Variants in DPP6 observed in about 807,000 individuals in gnomAD.
The protein encoded by DPP6 is dipeptidyl peptidase like 6.
Under a neutral mutation model 122.6 loss-of-function variants are expected in DPP6, and 69 were observed. The ratio of observed to expected loss-of-function variants is 0.56; its 90% CI spans 0.46 to 0.69. The LOEUF (loss-of-function observed/expected upper bound fraction) is 0.69. DPP6 is among the 30% of genes least tolerant of loss of function. DPP6 has a pLI of 0.00. For missense variants in DPP6, 928 were observed against 1,116.9 expected, an observed-to-expected ratio of 0.83 and a Z score of 2.41; for synonymous variants, 418 against 433.1, an observed-to-expected ratio of 0.97 and a Z score of 0.43.
chr7:154,661,684 A>G lies in DPP6; in HGVS notation c.681-7676A>G, dbSNP rs373976081. On this transcript the variant is annotated intron_variant, in intron 6 of 25. Coordinates refer to ENST00000377770, the MANE Select transcript of DPP6 (RefSeq NM_130797.4). ...ATCACCATGGCATATTGGCGCTAGT[A>G]TTCATATAGTCATGGTGAATCACCA... Among the ~76,000 whole-genome samples the G allele has an allele frequency of 6.9e-3, 573 of 82,744 alleles. 3 individuals carry two copies. Among genetic ancestry groups the G allele is most frequent in the Middle Eastern group, 0.043 (4 of 94 alleles). The allele number at this position is 82,744 out of a possible 152,430, so 54.3% of individuals were successfully genotyped here. A position where few individuals can be genotyped will look rare whatever the true frequency, so the allele number is the denominator to read the frequency against.
intron 1 of DPP6, among the ~76,000 whole-genome samples, chr7:153,944,856 C>G (rs1382440807): frequency 6.6e-6 from 1 of 151,966 alleles, no homozygotes; most frequent in Non-Finnish European, 1.5e-5. Flanking sequence ...GTCTCAAACT[C>G]CTGACCTCAG....
chr7:154,516,406 G>A (rs1013076421), intron 3 of DPP6, among the ~76,000 whole-genome samples: 3 of 152,204 alleles, frequency 2.0e-5, no homozygotes, highest in African/African-American at 4.8e-5. Flanking sequence ...ACTGAAAGGA[G>A]AATGAGAGCT....
At position 154,030,503 on chromosome 7, in the gene DPP6, G is replaced by A. The variant is rs1479068584; in HGVS notation, c.51+142769G>A. Among the ~76,000 whole-genome samples the A allele has an allele frequency of 3.3e-5, 5 of 152,252 alleles. No individual in the cohort carries two copies. The East Asian group carries it at 9.7e-4, about 29-fold the overall frequency. On this transcript the variant is annotated intron_variant, in intron 1 of 25. Coordinates refer to the DPP6 transcript ENST00000404039. ...CCATCTGGAGCATGGGCCTGGGTGA[G>A]GCCTCGTGAGCTCCTGCATCATAAC...
At chr7:154,413,595 G>T (rs1816794349) in intron 1 of DPP6, among the ~76,000 whole-genome samples, 1 of 152,034 alleles carries the variant, frequency 6.6e-6, no homozygotes, top group Admixed American at 6.5e-5. Flanking sequence ...ATTTCGTATT[G>T]AACACACAAA....
chr7:153,930,766 T>G (rs1801135315), intron 1 of DPP6, among the ~76,000 whole-genome samples: 1 of 152,178 alleles, frequency 6.6e-6, no homozygotes. Flanking sequence ...AGTTTGGCTT[T>G]TGGAATTGCT....
chr7:154,349,322 C>T (rs1245513837), intron 1 of DPP6, among the ~76,000 whole-genome samples: 1 of 152,106 alleles, frequency 6.6e-6, no homozygotes, highest in Non-Finnish European at 1.5e-5. Context: ...ATTACAGGCG[C>T]ACGCCACCAC....
intron 1 of DPP6, among the ~76,000 whole-genome samples, chr7:153,918,524 AACACACACAC>A (rs71182852): frequency 9.7e-4 from 75 of 77,476 alleles, no homozygotes; most frequent in Middle Eastern, 0.01. Context: ...AGGTAATTAA[AACACACACAC>A]ACACACACAC....
intron 7 of DPP6, among the ~76,000 whole-genome samples, chr7:154,711,401 A>G (rs1043354087): frequency 6.6e-6 from 1 of 152,224 alleles, no homozygotes; most frequent in Non-Finnish European, 1.5e-5. Context: ...AAATAAATAA[A>G]TAGTTCTCCT....
intron 15 of DPP6, among the ~76,000 whole-genome samples, chr7:154,806,238 G>A (rs924219676): frequency 6.6e-6 from 1 of 152,214 alleles, no homozygotes; most frequent in African/African-American, 2.4e-5. Flanking sequence ...TTTGCTCCTG[G>A]AACAACAGAC....
intron 3 of DPP6, among the ~76,000 whole-genome samples, chr7:154,529,508 T>C: frequency 6.6e-6 from 1 of 152,184 alleles, no homozygotes; most frequent in East Asian, 1.9e-4. Flanking sequence ...AATCCAAAAT[T>C]ACTTAAGATA....
At chr7:154,635,333 A>C (rs11243335) in intron 5 of DPP6, among the ~76,000 whole-genome samples, 10,262 of 151,252 alleles carry the variant, frequency 0.068, 1,131 homozygotes, top group African/African-American at 0.23. Flanking sequence ...GGCTTGGCTG[A>C]AGTAATATCA....
At chr7:154,492,758 C>T (rs1164027766) in intron 3 of DPP6, among the ~76,000 whole-genome samples, 2 of 152,108 alleles carry the variant, frequency 1.3e-5, no homozygotes, top group South Asian at 2.1e-4. Context: ...CAAAAGCCTT[C>T]GATGTGGACC....
At chr7:153,813,575 G>A in the DPP6 span, among the ~76,000 whole-genome samples, 8 of 152,018 alleles carry the variant, frequency 5.3e-5, no homozygotes, top group Admixed American at 2.6e-4. Context: ...GGTATTTCTA[G>A]TTCTAGATCC....
chr7:153,894,559 G>A (rs1799331063), intron 1 of DPP6, among the ~76,000 whole-genome samples: 1 of 152,174 alleles, frequency 6.6e-6, no homozygotes, highest in South Asian at 2.1e-4. Flanking sequence ...CTGAACAGTA[G>A]AATCAGCTGG....
intron 1 of DPP6, among the ~76,000 whole-genome samples, chr7:153,955,118 G>C (rs1261360658): frequency 6.6e-6 from 1 of 152,182 alleles, no homozygotes; most frequent in Non-Finnish European, 1.5e-5. Flanking sequence ...GCATCATCAA[G>C]TTCTGTCATA....
At chr7:153,995,588 C>CGA (rs1797389000) in intron 1 of DPP6, among the ~76,000 whole-genome samples, 1 of 88,952 alleles carries the variant, frequency 1.1e-5, no homozygotes, top group Non-Finnish European at 2.0e-5. Flanking sequence ...GACTCCGTCT[C>CGA]AAAAAAAAAA....
At chr7:154,142,626 G>A (rs3115142) in intron 1 of DPP6, among the ~76,000 whole-genome samples, 1 of 152,098 alleles carries the variant, frequency 6.6e-6, no homozygotes, top group Admixed American at 6.5e-5. Context: ...TCAAATGATT[G>A]TACAGTTGAT....
chr7:154,779,967 G>A (rs1467349159), intron 10 of DPP6, among the ~76,000 whole-genome samples: 2 of 152,162 alleles, frequency 1.3e-5, no homozygotes, highest in African/African-American at 4.8e-5. Flanking sequence ...AATGTGCTCT[G>A]TTCCCCTCAC....
intron 1 of DPP6, among the ~76,000 whole-genome samples, chr7:154,237,794 A>T (rs1801315782): frequency 6.6e-6 from 1 of 152,230 alleles, no homozygotes; most frequent in Non-Finnish European, 1.5e-5. Context: ...TGTTGGGTCC[A>T]CAGTGGATGA....
Sources: gnomAD v4.1 joint callset for allele counts (sites outside exome capture counted in the v4.1 genomes callset) on GRCh38, gnomAD v4.1.1 for gene constraint, MANE v1.5 for transcripts, NCBI Gene and HGNC (gene_info 2026-07-23, HGNC 2026-07-21) for gene names.